TMEM165: variants seen among roughly 807,000 people sequenced by gnomAD.
TMEM165 encodes the protein transmembrane protein 165.
A neutral mutation model predicts 30.0 loss-of-function variants in TMEM165; 19 were observed. The observed-to-expected ratio is 0.63, with a 90% CI of 0.44 to 0.93. TMEM165 has a LOEUF of 0.93. Among genes scored for constraint, TMEM165 ranks in the 40% least tolerant of loss-of-function variants. TMEM165 has a pLI of 0.00. For synonymous variants in TMEM165, 168 were observed against 162.9 expected, an observed-to-expected ratio of 1.03 and a Z score of -0.24; for missense variants, 340 against 417.0, an observed-to-expected ratio of 0.82 and a Z score of 1.61.
intron 3 of TMEM165, among the ~76,000 whole-genome samples, chr4:55,446,991 C>T (rs1027862535): frequency 2.0e-5 from 3 of 151,654 alleles, no homozygotes; most frequent in Non-Finnish European, 4.4e-5. Flanking sequence ...ATATGTTAAA[C>T]GTGGTTGAGA....
At chr4:55,402,437 T>A (rs867817618) in intron 1 of TMEM165, among the ~76,000 whole-genome samples, 82 of 27,606 alleles carry the variant, frequency 3.0e-3, no homozygotes, top group Middle Eastern at 0.036. Context: ...ATATATATTT[T>A]TTTTTTTTTT....
intron 3 of TMEM165, chr4:55,444,807 A>C (rs748434248): frequency 8.7e-6 from 14 of 1,611,634 alleles, no homozygotes; most frequent in Middle Eastern, 1.7e-4. Context: ...TGTACGGAAA[A>C]AGTGTAATAT....
intron 3 of TMEM165, among the ~76,000 whole-genome samples, chr4:55,440,506 TTATG>T (rs1251341741): frequency 2.6e-5 from 4 of 152,198 alleles, no homozygotes; most frequent in African/African-American, 4.8e-5. Context: ...TACAAACTGT[TTATG>T]TAACAATATT....
In TMEM165 at chr4:55,417,099, T is replaced by A; in HGVS notation, c.461T>A (p.Ile154Asn). ...SVLFGYATTVIPRVYTYYVST... is the reference protein window; with the variant it reads ...SVLFGYATTVNPRVYTYYVST... Reference sequence around the variant, plus strand: ...TTGTTTGGCTATGCCACCACAGTCATCCCCAGGGTCTATACATACTATGTT... The same window carrying A: ...TTGTTTGGCTATGCCACCACAGTCAACCCCAGGGTCTATACATACTATGTT... The change falls in exon 3 of 6, where the codon ATC (isoleucine) becomes AAC (asparagine). Residue 154 changes from isoleucine (I) to asparagine (N), a missense_variant. This residue lies in a region of TMEM165 where 220 missense variants were observed against 307.6 expected (regional missense o/e 0.72). Transcript: ENST00000381334. 12 of 1,607,916 alleles carry A rather than the reference T, an allele frequency of 7.5e-6. No individual in the cohort carries two copies. The highest frequency in any genetic ancestry group is 1.0e-5 in the Non-Finnish European group (12 of 1,178,022).
rs111815033 is a variant in TMEM165 at position 55,448,580 on chromosome 4, ATG to A, written c.409-3656_409-3655del. ...ACTGCATCTGTAACTATAATTATAT[ATG>A]TGCGCGCGCGCACGCGCGCGTGTGT... On this transcript the variant is annotated intron_variant, in intron 3 of 3. Transcript: ENST00000608091. Among the ~76,000 whole-genome samples the A allele has an allele frequency of 2.0e-3, 283 of 141,458 alleles. 2 individuals are homozygous for A. Among genetic ancestry groups the A allele is most frequent in the African/African-American group, 6.2e-3 (241 of 38,828 alleles). 92.8% of individuals were successfully genotyped at this position (141,458 alleles called of 152,430 possible).
chr4:55,402,695 A>G (rs1302399521), intron 1 of TMEM165, among the ~76,000 whole-genome samples: 2 of 144,006 alleles, frequency 1.4e-5, no homozygotes, highest in African/African-American at 2.7e-5. Context: ...TGATCCACCT[A>G]CCACGCCTCC....
At chr4:55,399,269 C>T (rs1457277695) in intron 1 of TMEM165, 1 of 152,108 alleles carries the variant, frequency 6.6e-6, no homozygotes, top group Non-Finnish European at 1.5e-5. Flanking sequence ...TGGGCTTCTC[C>T]ATCTTTTTCC....
intron 3 of TMEM165, chr4:55,443,655 A>C (rs1723551132): frequency 6.4e-7 from 1 of 1,554,888 alleles, no homozygotes; most frequent in South Asian, 1.1e-5. Flanking sequence ...ACCACTGATC[A>C]CTCCATAGCC....
intron 3 of TMEM165, among the ~76,000 whole-genome samples, chr4:55,441,060 G>A (rs1378485986): frequency 6.6e-6 from 1 of 152,106 alleles, no homozygotes; most frequent in East Asian, 1.9e-4. Context: ...AAACAATACC[G>A]ATTTATCTTT....
chr4:55,418,333 C>T (rs924685108), intron 4 of TMEM165, among the ~76,000 whole-genome samples: 3 of 151,844 alleles, frequency 2.0e-5, no homozygotes, highest in African/African-American at 7.3e-5. Context: ...TTATTGAAGG[C>T]CATTTTGGTG....
At position 55,411,632 on chromosome 4, in the gene TMEM165, G is replaced by C. The variant is rs1312894231; in HGVS notation, c.226G>C (p.Ala76Pro). ...ARVEKIFTPA[A>P]PVHTNKEDPA... ...TTTCCAGAAAATATTTACACCAGCA[G>C]CTCCAGTTCATACCAATAAAGAAGA... Residue 76 changes from alanine (A) to proline (P), a missense_variant, in exon 2 of 6, where the codon GCT becomes CCT. Ala to Pro is a conservative substitution (Grantham distance 27). Coordinates refer to ENST00000381334, the MANE Select transcript of TMEM165 (RefSeq NM_018475.5). 8 of 1,613,272 alleles carry C rather than the reference G, an allele frequency of 5.0e-6. No homozygotes were observed. Among genetic ancestry groups the C allele is most frequent in the Non-Finnish European group, 6.8e-6 (8 of 1,179,748 alleles).
chr4:55,431,498 G>A (rs1722499177), intron 3 of TMEM165: 1 of 152,126 alleles, frequency 6.6e-6, no homozygotes, highest in Admixed American at 6.5e-5. Context: ...AATGGCAAGT[G>A]CCTTTGTGCT....
intron 3 of TMEM165, chr4:55,449,299 A>G: frequency 2.7e-6 from 3 of 1,123,688 alleles, no homozygotes; most frequent in Non-Finnish European, 4.1e-6. Flanking sequence ...TGATCTTTAC[A>G]AAGAGGGGTG....
At position 55,419,726 on chromosome 4, in the gene TMEM165, A is replaced by G. The variant is rs994424585; in HGVS notation, c.792+1741A>G. Among the ~76,000 whole-genome samples, 6 of 152,014 alleles carry G rather than the reference A, an allele frequency of 3.9e-5. No individual in the cohort carries two copies. In the South Asian group the frequency reaches 1.2e-3, roughly 32 times the overall value. On this transcript the variant is annotated intron_variant, in intron 4 of 5. Transcript: ENST00000381334. ...ATCAGATTCTCTTTTTATAAGAGTA[A>G]AATTGTTTCTAATTCCTTGGAACTA...
chr4:55,398,494 C>G (rs972470586), intron 1 of TMEM165, among the ~76,000 whole-genome samples: 1 of 152,224 alleles, frequency 6.6e-6, no homozygotes, highest in Non-Finnish European at 1.5e-5. Context: ...GTGTCTTACT[C>G]TTTTGACTTA....
intron 1 of TMEM165, among the ~76,000 whole-genome samples, chr4:55,401,096 C>CA (rs1298243108): frequency 1.3e-5 from 2 of 149,156 alleles, no homozygotes; most frequent in Non-Finnish European, 3.0e-5. Flanking sequence ...AGTAGGCATT[C>CA]AAGTGGAAGA....
intron 1 of TMEM165, among the ~76,000 whole-genome samples, chr4:55,410,256 C>T (rs1721434670): frequency 6.6e-6 from 1 of 152,154 alleles, no homozygotes; most frequent in East Asian, 1.9e-4. Context: ...TGCTTTAGAA[C>T]TGTATATAGA....
intron 3 of TMEM165, chr4:55,432,087 C>T (rs1366152487): frequency 6.6e-6 from 1 of 152,140 alleles, no homozygotes; most frequent in Admixed American, 6.6e-5. Context: ...ATTCCTAAGC[C>T]AGATATAAAT....
downstream of TMEM165, among the ~76,000 whole-genome samples, chr4:55,426,835 AAG>A (rs957502916): frequency 6.6e-5 from 10 of 152,052 alleles, no homozygotes; most frequent in African/African-American, 2.2e-4. Flanking sequence ...TGGAGATCTT[AAG>A]AGGAGTTTTC....
Sources: gnomAD v4.1 joint callset for allele counts (sites outside exome capture counted in the v4.1 genomes callset) on GRCh38, gnomAD v4.1.1 for gene constraint, gnomAD v4.1.1 regional missense constraint, MANE v1.5 for transcripts, NCBI Gene and HGNC (gene_info 2026-07-23, HGNC 2026-07-21) for gene names.